Variants in EYS observed in about 807,000 individuals in gnomAD.
EYS encodes EGF-like photoreceptor maintenance factor.
Under a neutral mutation model 282.1 loss-of-function variants are expected in EYS, and 250 were observed. The observed-to-expected ratio is 0.89, with a 90% CI of 0.80 to 0.98. EYS has a LOEUF of 0.98. Among genes scored for constraint, EYS ranks in the 50% least tolerant of loss-of-function variants. The pLI, the probability that EYS is intolerant of heterozygous loss-of-function variation, is 0.00. For synonymous variants in EYS, 1,355 were observed against 1,282.9 expected (o/e 1.06, Z -1.20); for missense variants, 4,016 against 3,709.0 (o/e 1.08, Z -2.15).
chr6:64,574,269 C>T (rs1765813864), intron 26 of EYS, among the ~76,000 whole-genome samples: 1 of 151,870 alleles, frequency 6.6e-6, no homozygotes, highest in South Asian at 2.1e-4. Context: ...CACACCAGGG[C>T]CTATTGGTGG....
intron 11 of EYS, among the ~76,000 whole-genome samples, chr6:65,298,143 G>A (rs897315372): frequency 6.6e-6 from 1 of 151,978 alleles, no homozygotes; most frequent in Non-Finnish European, 1.5e-5. Context: ...CTAATCTCTA[G>A]TTTATTAAAT....
At chr6:64,524,680 T>A (rs1021495310) in intron 26 of EYS, among the ~76,000 whole-genome samples, 2 of 151,954 alleles carry the variant, frequency 1.3e-5, no homozygotes, top group African/African-American at 4.8e-5. Flanking sequence ...TTCAATCTTC[T>A]GCATATGGCT....
intron 33 of EYS, among the ~76,000 whole-genome samples, chr6:64,039,052 G>C (rs1431187909): frequency 6.6e-6 from 1 of 152,058 alleles, no homozygotes; most frequent in African/African-American, 2.4e-5. Flanking sequence ...TGATCTGCCC[G>C]CCTTGGGCTC....
At chr6:63,727,737 A>AATATATATATATATATATATATATAT (rs70999122) in intron 41 of EYS, among the ~76,000 whole-genome samples, 30 of 36,714 alleles carry the variant, frequency 8.2e-4, no homozygotes, top group South Asian at 1.2e-3. Flanking sequence ...AAAAAAAAAA[A>AATATATATATATATATATATATATAT]ATATATATAT....
chr6:64,636,465 T>C (rs1310545546), intron 22 of EYS, among the ~76,000 whole-genome samples: 2 of 152,182 alleles, frequency 1.3e-5, no homozygotes, highest in Admixed American at 6.5e-5. Flanking sequence ...ACTTACATGT[T>C]AGACCTGAAA....
chr6:64,066,367 G>A lies in EYS; in HGVS notation c.6696C>T (p.Asn2232=), dbSNP rs946318214. 6.4e-7 allele frequency: 1 copy of A among 1,551,620 alleles called. No homozygotes were observed. The highest frequency in any genetic ancestry group is 1.2e-5 in the South Asian group (1 of 83,992). ...TTGTGATAGGGGTGAATGCATTTGTGTTAATGCTGTAATTAGCAGAAACAG... is the reference window on the plus strand; with the variant it reads ...TTGTGATAGGGGTGAATGCATTTGTATTAATGCTGTAATTAGCAGAAACAG... ...ILTVSANYSI[N]TNAFTPITIR... The change falls in exon 33 of 43, where the codon AAC becomes AAT. Residue 2232 remains asparagine (N), a synonymous_variant. Coordinates refer to ENST00000503581, the MANE Select transcript of EYS (RefSeq NM_001142800.2).
intron 29 of EYS, among the ~76,000 whole-genome samples, chr6:64,319,712 C>T (rs72883973): frequency 2.8e-4 from 12 of 42,440 alleles, no homozygotes; most frequent in South Asian, 7.5e-4. Context: ...GATGGATGGA[C>T]GGATGGATGG....
At chr6:64,783,902 A>G (rs1773937855) in intron 22 of EYS, among the ~76,000 whole-genome samples, 1 of 152,192 alleles carries the variant, frequency 6.6e-6, no homozygotes, top group African/African-American at 2.4e-5. Flanking sequence ...TCAAAACTGA[A>G]AATTATTTTA....
intron 14 of EYS, among the ~76,000 whole-genome samples, chr6:64,949,893 T>G (rs564729871): frequency 6.6e-6 from 1 of 152,080 alleles, no homozygotes. Flanking sequence ...TAGTAATAAC[T>G]ATAATATTCT....
intron 26 of EYS, among the ~76,000 whole-genome samples, chr6:64,455,215 C>A (rs1775513655): frequency 6.6e-6 from 1 of 152,068 alleles, no homozygotes; most frequent in South Asian, 2.1e-4. Context: ...CACACCCAAA[C>A]ACGTTTATTT....
intron 5 of EYS, among the ~76,000 whole-genome samples, chr6:65,409,865 A>C (rs940300794): frequency 1.3e-5 from 2 of 152,076 alleles, no homozygotes; most frequent in African/African-American, 4.8e-5. Context: ...CAGTTTGTAA[A>C]ACAGACAGTC....
At position 64,994,977 on chromosome 6, in the gene EYS, G is replaced by A. The variant is rs577857407; in HGVS notation, c.2259+2605C>T. ...ATAACCTCTGAATTTGGAATATCCT[G>A]ACAGATAATAATGTCTTTGATACCT... On this transcript the variant is annotated intron_variant, in intron 14 of 42. Coordinates refer to ENST00000503581, the MANE Select transcript of EYS (RefSeq NM_001142800.2). Among the ~76,000 whole-genome samples the A allele has an allele frequency of 5.9e-5, 9 of 152,200 alleles. No individual in the cohort carries two copies. The South Asian group carries it at 1.7e-3, about 28-fold the overall frequency.
At chr6:65,411,642 C>T (rs1194957691) in intron 5 of EYS, among the ~76,000 whole-genome samples, 1 of 151,988 alleles carries the variant, frequency 6.6e-6, no homozygotes, top group African/African-American at 2.4e-5. Context: ...CTGCCCTCTA[C>T]CATTTCCTGA....
intron 5 of EYS, among the ~76,000 whole-genome samples, chr6:65,407,763 G>A (rs1015775459): frequency 4.6e-5 from 7 of 150,820 alleles, no homozygotes; most frequent in Non-Finnish European, 1.0e-4. Flanking sequence ...GTGTGTGTGT[G>A]TGTGTGTGTG....
chr6:65,531,082 A>C (rs1282836602), intron 2 of EYS, among the ~76,000 whole-genome samples: 2 of 152,148 alleles, frequency 1.3e-5, no homozygotes, highest in Non-Finnish European at 2.9e-5. Flanking sequence ...GGCACAATGG[A>C]AAGTGTGGAT....
intron 11 of EYS, among the ~76,000 whole-genome samples, chr6:65,296,564 A>C (rs1359154005): frequency 6.6e-6 from 1 of 151,792 alleles, no homozygotes; most frequent in Non-Finnish European, 1.5e-5. Flanking sequence ...ATTCAAACTC[A>C]GTTTGTCACT....
At chr6:65,311,470 C>A (rs571059847) in intron 11 of EYS, among the ~76,000 whole-genome samples, 2 of 152,104 alleles carry the variant, frequency 1.3e-5, no homozygotes, top group African/African-American at 4.8e-5. Flanking sequence ...GGATGGGGAA[C>A]GCAGTAGAAT....
chr6:64,912,155 T>C (rs964451225), intron 16 of EYS, among the ~76,000 whole-genome samples: 13 of 152,032 alleles, frequency 8.6e-5, no homozygotes, highest in African/African-American at 3.1e-4. Flanking sequence ...CTAACTGCTA[T>C]TGTCATGAAC....
chr6:63,733,384 C>T (rs961345006), intron 41 of EYS, among the ~76,000 whole-genome samples: 1 of 152,120 alleles, frequency 6.6e-6, no homozygotes, highest in Non-Finnish European at 1.5e-5. Flanking sequence ...GATCCCATCA[C>T]CCAAGTAGTA....
Sources: allele counts gnomAD v4.1 joint callset (sites outside exome capture counted in the v4.1 genomes callset), GRCh38; gene constraint gnomAD v4.1.1; transcripts MANE v1.5; gene names NCBI Gene and HGNC (gene_info 2026-07-23, HGNC 2026-07-21).